The following DDX1 variants were observed in gnomAD, a reference collection of about 807,000 sequenced individuals.
The protein encoded by DDX1 is DEAD-box helicase 1, also known as ATP-dependent RNA helicase DDX1.
DDX1 carries 28 observed loss-of-function variants against 108.7 expected under a neutral mutation model. The ratio of observed to expected loss-of-function variants is 0.26; its 90% CI spans 0.19 to 0.35. The LOEUF (loss-of-function observed/expected upper bound fraction) is 0.35. Ranked by LOEUF, DDX1 falls within the 10% of genes least tolerant of loss-of-function variation. The pLI is 1.00. For missense variants in DDX1, 710 were observed against 884.5 expected, an observed-to-expected ratio of 0.80 and a Z score of 2.50; for synonymous variants, 295 against 288.9, an observed-to-expected ratio of 1.02 and a Z score of -0.21.
At chr2:15,624,494 A>C (rs4668946) in intron 19 of DDX1, among the ~76,000 whole-genome samples, 1 of 152,138 alleles carries the variant, frequency 6.6e-6, no homozygotes, top group African/African-American at 2.4e-5. Context: ...CCTTCTTTAC[A>C]TGGCAGCAGG....
chr2:15,619,860 G>A (rs1454165064), intron 16 of DDX1, among the ~76,000 whole-genome samples: 1 of 152,204 alleles, frequency 6.6e-6, no homozygotes, highest in Non-Finnish European at 1.5e-5. Context: ...TGTCTTCTCT[G>A]TAGTTATATC....
intron 9 of DDX1, among the ~76,000 whole-genome samples, chr2:15,604,130 T>C (rs1429949856): frequency 1.3e-5 from 2 of 152,228 alleles, no homozygotes; most frequent in East Asian, 3.8e-4. Flanking sequence ...CATTACGTTG[T>C]CTTCTCTTTT....
At chr2:15,622,151 T>C (rs913862927) in intron 18 of DDX1, among the ~76,000 whole-genome samples, 1 of 152,346 alleles carries the variant, frequency 6.6e-6, no homozygotes, top group East Asian at 1.9e-4. Flanking sequence ...AGTTGTTGAC[T>C]TTTTTGTGTG....
chr2:15,611,071 G>A (rs1422705764), intron 13 of DDX1, among the ~76,000 whole-genome samples: 2 of 149,674 alleles, frequency 1.3e-5, no homozygotes, highest in African/African-American at 4.9e-5. Context: ...TTGAGATTAG[G>A]GAGTGGTGAT....
intron 14 of DDX1, among the ~76,000 whole-genome samples, chr2:15,615,204 T>G (rs1350728537): frequency 1.3e-5 from 2 of 152,208 alleles, no homozygotes; most frequent in Non-Finnish European, 2.9e-5. Flanking sequence ...GTAGAAGAAT[T>G]TTAGTTTTCT....
intron 17 of DDX1, 34 bp downstream of exon 17, chr2:15,620,430 A>T: frequency 6.5e-7 from 1 of 1,535,642 alleles, no homozygotes; most frequent in Non-Finnish European, 8.9e-7. Context: ...TTTATGTAGA[A>T]TAAAGCAATT....
chr2:15,599,398 C>T (rs1344969971), intron 5 of DDX1, among the ~76,000 whole-genome samples: 1 of 151,834 alleles, frequency 6.6e-6, no homozygotes, highest in Non-Finnish European at 1.5e-5. Flanking sequence ...TCTCCACCTC[C>T]TGGGCTCAAG....
Position 15,602,531 on chromosome 2 carries a change from TTTC to T in DDX1, c.308-12_308-10del, listed in dbSNP as rs768557994. 2 of 1,605,784 alleles carry T rather than the reference TTTC, an allele frequency of 1.2e-6. No individual in the cohort carries two copies. Among genetic ancestry groups the T allele is most frequent in the South Asian group, 1.1e-5 (1 of 90,900 alleles). ...CCTGTACTGACGTGTTTTTCTGTGTTTTCTTCTCAAATCCAGCAATTGGGTCAG... is the reference window on the plus strand; with the variant it reads ...CCTGTACTGACGTGTTTTTCTGTGTTTTCTCAAATCCAGCAATTGGGTCAG... On this transcript the variant is annotated splice_polypyrimidine_tract_variant and intron_variant, in intron 6 of 25. Transcript: ENST00000233084.
chr2:15,604,556 A>T lies in DDX1; in HGVS notation c.625+47A>T, dbSNP rs146192227. 4.4e-4 allele frequency: 569 copies of T among 1,284,240 alleles called. No individual in the cohort carries two copies. In the African/African-American group the frequency reaches 6.3e-3, roughly 14 times the overall value. 79.6% of individuals were successfully genotyped at this position (1,284,240 alleles called of 1,614,324 possible). On this transcript the variant is annotated intron_variant, in intron 10 of 25. Coordinates refer to ENST00000233084, the MANE Select transcript of DDX1 (RefSeq NM_004939.3). ...GTAGTGAAAAGATACATGATATTCA[A>T]TAATTGTGGTTTTTAAAAATCCCCC...
At chr2:15,599,336 T>G (rs187680942) in intron 5 of DDX1, among the ~76,000 whole-genome samples, 9 of 152,130 alleles carry the variant, frequency 5.9e-5, no homozygotes, top group Admixed American at 2.0e-4. Flanking sequence ...AGATGGAGTC[T>G]CGCTCTGTCG....
chr2:15,597,488 G>T lies in DDX1; in HGVS notation c.259+17G>T. ...GTGCTTCAGGTAATTTTTGTAAATT[G>T]ATATTTCCTTTTATATAAATCATTG... On this transcript the variant is annotated intron_variant, in intron 5 of 25. Coordinates refer to ENST00000233084, the MANE Select transcript of DDX1 (RefSeq NM_004939.3). 6.8e-7 allele frequency: 1 copy of T among 1,476,994 alleles called. No individual in the cohort carries two copies. The highest frequency in any genetic ancestry group is 1.2e-5 in the South Asian group (1 of 84,158). 91.5% of individuals were successfully genotyped at this position (1,476,994 alleles called of 1,614,324 possible).
At chr2:15,617,410 TGAA>T (rs1183391258) in intron 15 of DDX1, 68 bp downstream of exon 15, 3 of 896,260 alleles carry the variant, frequency 3.3e-6, no homozygotes, top group Admixed American at 2.3e-5. Flanking sequence ...ATATATAAAA[TGAA>T]GAAGAAATAT....
intron 14 of DDX1, among the ~76,000 whole-genome samples, chr2:15,616,017 T>TGGG: frequency 6.6e-6 from 1 of 151,982 alleles, no homozygotes; most frequent in Admixed American, 6.6e-5. Flanking sequence ...CTCAGCCTCC[T>TGGG]GAGTAGCTGG....
chr2:15,619,202 G>A (rs1408733387), intron 16 of DDX1, among the ~76,000 whole-genome samples: 4 of 152,100 alleles, frequency 2.6e-5, no homozygotes, highest in Non-Finnish European at 4.4e-5. Flanking sequence ...CAGGCGACTC[G>A]GCCCAGCCCC....
rs7571931 is a variant in DDX1 at position 15,611,945 on chromosome 2, C to T, written c.957-1279C>T. ...CCCCCCACCTTCCTCCCGGACGAGG[C>T]GGCTGGCCGGGCGGGGGGCTGACCC... On this transcript the variant is annotated intron_variant, in intron 13 of 25. Transcript: ENST00000233084. 1.9e-3 allele frequency among the ~76,000 whole-genome samples: 147 copies of T among 77,728 alleles called. 8 individuals are homozygous for T. The highest frequency in any genetic ancestry group is 8.9e-3 in the Middle Eastern group (1 of 112). The allele number at this position is 77,728 out of a possible 152,430, so 51.0% of individuals were successfully genotyped here. A position where few individuals can be genotyped will look rare whatever the true frequency, so the allele number is the denominator to read the frequency against.
chr2:15,602,739 G>T (rs530349354), intron 7 of DDX1, 108 bp downstream of exon 7: 4 of 833,654 alleles, frequency 4.8e-6, no homozygotes, highest in Non-Finnish European at 7.6e-6. Context: ...CTCGCACGTC[G>T]CCCGGGCTGG....
chr2:15,606,858 C>T (rs1665670476), intron 12 of DDX1, among the ~76,000 whole-genome samples: 1 of 152,130 alleles, frequency 6.6e-6, no homozygotes, highest in African/African-American at 2.4e-5. Context: ...CTCACTGTGT[C>T]ACCCAGGCTG....
intron 14 of DDX1, among the ~76,000 whole-genome samples, chr2:15,616,455 T>C (rs1208076006): frequency 6.6e-6 from 1 of 152,230 alleles, no homozygotes; most frequent in South Asian, 2.1e-4. Flanking sequence ...ACCATACCTA[T>C]GGACTTGACT....
chr2:15,628,766 G>A (rs1233402940), intron 22 of DDX1, 31 bp from the exon 23 acceptor site: 7 of 1,613,584 alleles, frequency 4.3e-6, no homozygotes, highest in Non-Finnish European at 5.9e-6. Context: ...TAGGAATAAA[G>A]TCTAATAGAA....
Sources: gnomAD v4.1 joint callset for allele counts (sites outside exome capture counted in the v4.1 genomes callset) on GRCh38, gnomAD v4.1.1 for gene constraint, MANE v1.5 for transcripts, NCBI Gene and HGNC (gene_info 2026-07-23, HGNC 2026-07-21) for gene names.